GABBR2: variants seen among roughly 807,000 people sequenced by gnomAD.
GABBR2 encodes the protein G-protein coupled receptor 51.
A neutral mutation model predicts 105.6 loss-of-function variants in GABBR2; 23 were observed. That is an observed-to-expected ratio of 0.22 (90% CI 0.16 to 0.31). The LOEUF is 0.31. Among genes scored for constraint, GABBR2 ranks in the 10% least tolerant of loss-of-function variants. The probability of loss-of-function intolerance (pLI) is 1.00; values close to 1 mark genes in which losing one functional copy is unlikely to be tolerated. For missense variants in GABBR2, 734 were observed against 1,245.5 expected, an observed-to-expected ratio of 0.59 and a Z score of 6.18; for synonymous variants, 478 against 499.7, an observed-to-expected ratio of 0.96 and a Z score of 0.58.
At chr9:98,445,675 C>G (rs1033477484) in intron 7 of GABBR2, among the ~76,000 whole-genome samples, 22 of 152,236 alleles carry the variant, frequency 1.4e-4, no homozygotes, top group African/African-American at 5.1e-4. Flanking sequence ...ACCAATGCAT[C>G]GGTCATTGCT....
intron 13 of GABBR2, among the ~76,000 whole-genome samples, chr9:98,325,009 T>C (rs1830896577): frequency 1.3e-5 from 2 of 152,180 alleles, no homozygotes; most frequent in African/African-American, 4.8e-5. Flanking sequence ...GTTACGCAAC[T>C]TTCGGGCTTG....
intron 13 of GABBR2, among the ~76,000 whole-genome samples, chr9:98,324,278 AG>A (rs1830879406): frequency 6.6e-6 from 1 of 152,166 alleles, no homozygotes; most frequent in African/African-American, 2.4e-5. Context: ...TAGATTTTAC[AG>A]TGTGTCCTTG....
At chr9:98,396,473 G>T (rs1023970547) in intron 8 of GABBR2, among the ~76,000 whole-genome samples, 5 of 152,186 alleles carry the variant, frequency 3.3e-5, no homozygotes, top group Admixed American at 1.3e-4. Context: ...GTGGGTGGTG[G>T]AAACAGGGGC....
chr9:98,621,836 C>G (rs1829674239), intron 1 of GABBR2, among the ~76,000 whole-genome samples: 1 of 152,136 alleles, frequency 6.6e-6, no homozygotes, highest in African/African-American at 2.4e-5. Flanking sequence ...GTGCTGAAAG[C>G]CTCATGCAGA....
At chr9:98,571,678 G>A (rs1474002782) in intron 2 of GABBR2, among the ~76,000 whole-genome samples, 2 of 152,136 alleles carry the variant, frequency 1.3e-5, no homozygotes, top group African/African-American at 4.8e-5. Context: ...CACTGACCTG[G>A]TCTATGCCTA....
chr9:98,413,082 G>A (rs2131541531), intron 7 of GABBR2, among the ~76,000 whole-genome samples: 1 of 152,290 alleles, frequency 6.6e-6, no homozygotes, highest in Non-Finnish European at 1.5e-5. Flanking sequence ...ATTTTCCAGT[G>A]AACCTTCAGA....
At chr9:98,682,797 A>G (rs186119574) in intron 1 of GABBR2, among the ~76,000 whole-genome samples, 22 of 152,388 alleles carry the variant, frequency 1.4e-4, no homozygotes, top group Admixed American at 6.5e-4. Flanking sequence ...AGGCTCATTA[A>G]ACATTTAAAT....
At chr9:98,607,054 T>C (rs1293588864) in intron 1 of GABBR2, 9 of 1,395,484 alleles carry the variant, frequency 6.4e-6, no homozygotes, top group Non-Finnish European at 7.1e-6. Context: ...CCAAACCAAG[T>C]ATACAGAAAA....
At chr9:98,622,412 T>C (rs1164161921) in intron 1 of GABBR2, among the ~76,000 whole-genome samples, 1 of 152,188 alleles carries the variant, frequency 6.6e-6, no homozygotes, top group Non-Finnish European at 1.5e-5. Context: ...GCGATCCTCC[T>C]GTCTCGACCT....
intron 7 of GABBR2, among the ~76,000 whole-genome samples, chr9:98,427,684 C>T (rs1398128402): frequency 1.3e-5 from 2 of 151,962 alleles, no homozygotes; most frequent in East Asian, 1.9e-4. Flanking sequence ...GATGCCGCAG[C>T]CTCAGTTGTT....
intron 7 of GABBR2, among the ~76,000 whole-genome samples, chr9:98,429,941 C>T (rs1460034421): frequency 6.6e-6 from 1 of 152,158 alleles, no homozygotes; most frequent in African/African-American, 2.4e-5. Context: ...CTTTGCCTGC[C>T]TGGTAATTTT....
Position 98,288,484 on chromosome 9 carries a change from G to A in GABBR2, c.*2100C>T, listed in dbSNP as rs1026640714. On this transcript the variant is annotated 3_prime_UTR_variant, in exon 19 of 19. Coordinates refer to ENST00000259455, the MANE Select transcript of GABBR2 (RefSeq NM_005458.8). ...CAGACGCACAGGCTCACCTCCGACA[G>A]TCCAATACTTTTGTTTGTTTTCCTG... The A allele has an allele frequency of 1.0e-4, 16 of 152,606 alleles. No homozygotes were observed. The highest frequency in any genetic ancestry group is 3.4e-4 in the African/African-American group (14 of 41,420). The allele number at this position is 152,606 out of a possible 1,614,324, so 9.5% of individuals were successfully genotyped here.
At chr9:98,330,723 CCTGT>C (rs1468754199) in intron 13 of GABBR2, among the ~76,000 whole-genome samples, 1 of 152,216 alleles carries the variant, frequency 6.6e-6, no homozygotes, top group Non-Finnish European at 1.5e-5. Context: ...TGTATCTTTT[CCTGT>C]CTTTTTCTTT....
At chr9:98,453,788 T>TC (rs1826276644) in intron 7 of GABBR2, among the ~76,000 whole-genome samples, 193 bp downstream of exon 7, 1 of 152,206 alleles carries the variant, frequency 6.6e-6, no homozygotes, top group Admixed American at 6.5e-5. Context: ...AGAAGCATTT[T>TC]CCCAATGTGT....
chr9:98,473,223 G>A lies in GABBR2; in HGVS notation c.922C>T (p.Leu308Phe). The A allele has an allele frequency of 6.2e-7, 1 of 1,613,928 alleles. No individual in the cohort carries two copies. Among genetic ancestry groups the A allele is most frequent in the East Asian group, 2.2e-5 (1 of 44,858 alleles). ...CCAATGTAGCCCTCCATGGCAGCAA[G>A]CAGATTCTTCCGGAGGCAGCGGGAT... is the stretch of plus-strand genomic sequence containing the variant. ...NSSRCLRKNL[L>F]AAMEGYIGVD... Residue 308 changes from leucine (L) to phenylalanine (F), a missense_variant, in exon 6 of 19, where the codon CTT becomes TTT. Physicochemically the swap from Leu to Phe is conservative, Grantham distance 22. This residue lies in a region of GABBR2 where 370 missense variants were observed against 648.9 expected (regional missense o/e 0.57). Coordinates refer to ENST00000259455, the MANE Select transcript of GABBR2 (RefSeq NM_005458.8).
chr9:98,683,632 T>C (rs1830578525), intron 1 of GABBR2, among the ~76,000 whole-genome samples: 1 of 152,050 alleles, frequency 6.6e-6, no homozygotes, highest in South Asian at 2.1e-4. Flanking sequence ...GCATCTATTT[T>C]GTTTCCGGGC....
chr9:98,567,466 C>A (rs1333355535), intron 2 of GABBR2, among the ~76,000 whole-genome samples: 1 of 152,176 alleles, frequency 6.6e-6, no homozygotes, highest in East Asian at 1.9e-4. Flanking sequence ...CCTGTAAGTT[C>A]TCTGTTTTAA....
chr9:98,550,526 C>A (rs368824452), intron 2 of GABBR2, among the ~76,000 whole-genome samples: 164 of 152,306 alleles, frequency 1.1e-3, no homozygotes, highest in African/African-American at 3.7e-3. Flanking sequence ...CCTCCATCCT[C>A]ACCACCACAG....
At chr9:98,473,845 C>T (rs2131631879) in intron 5 of GABBR2, among the ~76,000 whole-genome samples, 1 of 152,150 alleles carries the variant, frequency 6.6e-6, no homozygotes, top group East Asian at 1.9e-4. Flanking sequence ...TTAGTATCAA[C>T]ACAACTTCTA....
Sources: gnomAD v4.1 joint callset for allele counts (sites outside exome capture counted in the v4.1 genomes callset) on GRCh38, gnomAD v4.1.1 for gene constraint, gnomAD v4.1.1 regional missense constraint, MANE v1.5 for transcripts, NCBI Gene and HGNC (gene_info 2026-07-23, HGNC 2026-07-21) for gene names.